Variants in RGS7 observed in about 807,000 individuals in gnomAD.
The protein encoded by RGS7 is regulator of G-protein signaling 7.
A neutral mutation model predicts 81.1 loss-of-function variants in RGS7; 27 were observed. That is an observed-to-expected ratio of 0.33 (90% CI 0.25 to 0.46). The LOEUF (loss-of-function observed/expected upper bound fraction) is 0.46, where lower values mean the gene tolerates loss of function less well. Ranked by LOEUF, RGS7 falls within the 20% of genes least tolerant of loss-of-function variation. The pLI, the probability that RGS7 is intolerant of heterozygous loss-of-function variation, is 1.00. For synonymous variants in RGS7, 208 were observed against 207.7 expected (o/e 1.00, Z -0.01); for missense variants, 396 against 607.4 (o/e 0.65, Z 3.66).
At chr1:240,961,405 C>CA (rs1222464902) in intron 4 of RGS7, among the ~76,000 whole-genome samples, 4 of 152,088 alleles carry the variant, frequency 2.6e-5, no homozygotes, top group African/African-American at 4.8e-5. Context: ...TCAATGTATC[C>CA]ACCTTATATA....
chr1:241,057,141 G>A (rs2061512945), intron 3 of RGS7, among the ~76,000 whole-genome samples: 1 of 151,786 alleles, frequency 6.6e-6, no homozygotes, highest in Non-Finnish European at 1.5e-5. Context: ...TAGCCAAATT[G>A]ATAATTTTAT....
chr1:240,820,141 G>C (rs1476606910), intron 10 of RGS7, among the ~76,000 whole-genome samples: 1 of 152,176 alleles, frequency 6.6e-6, no homozygotes, highest in Non-Finnish European at 1.5e-5. Flanking sequence ...GTACAGGGTG[G>C]GGTGGCATAG....
At chr1:241,238,109 A>C (rs1558223341) in intron 2 of RGS7, among the ~76,000 whole-genome samples, 1 of 152,308 alleles carries the variant, frequency 6.6e-6, no homozygotes, top group African/African-American at 2.4e-5. Context: ...CAGACACACC[A>C]GAGAAACAAC....
chr1:240,944,280 G>GTATATA (rs1678168411), intron 4 of RGS7, among the ~76,000 whole-genome samples: 5 of 21,182 alleles, frequency 2.4e-4, no homozygotes, highest in African/African-American at 6.3e-4. Context: ...GTGTGTGTGT[G>GTATATA]TGTATATATA....
chr1:240,993,236 G>A (rs1174529071), intron 3 of RGS7, among the ~76,000 whole-genome samples: 1 of 146,054 alleles, frequency 6.8e-6, no homozygotes. Context: ...GAAAGAAGGA[G>A]AAAGAAAGAG....
intron 2 of RGS7, among the ~76,000 whole-genome samples, chr1:241,168,640 G>C (rs12118629): frequency 0.25 from 38,560 of 151,950 alleles, 5,220 homozygotes; most frequent in East Asian, 0.36. Context: ...AGCCCCTATA[G>C]AGTTAATAAA....
chr1:241,240,515 T>C (rs760867863), intron 2 of RGS7, among the ~76,000 whole-genome samples: 4 of 152,174 alleles, frequency 2.6e-5, no homozygotes, highest in Non-Finnish European at 5.9e-5. Context: ...CCTGTTAGAT[T>C]AGATCAAACT....
intron 18 of RGS7, among the ~76,000 whole-genome samples, chr1:240,783,008 G>A (rs1381856526): frequency 6.6e-6 from 1 of 152,160 alleles, no homozygotes; most frequent in East Asian, 1.9e-4. Context: ...GTAATATCTG[G>A]TTAATGGAAA....
chr1:240,901,754 T>C (rs1461253449), intron 6 of RGS7, among the ~76,000 whole-genome samples: 2 of 152,198 alleles, frequency 1.3e-5, no homozygotes, highest in African/African-American at 4.8e-5. Context: ...CAAGTCATGT[T>C]CACTGTCACT....
At chr1:241,185,398 G>T (rs2072001644) in intron 2 of RGS7, among the ~76,000 whole-genome samples, 1 of 152,126 alleles carries the variant, frequency 6.6e-6, no homozygotes, top group African/African-American at 2.4e-5. Context: ...GATGACTGGA[G>T]ATTTCAATTT....
At chr1:240,892,012 C>T (rs563608585) in intron 6 of RGS7, among the ~76,000 whole-genome samples, 7 of 152,224 alleles carry the variant, frequency 4.6e-5, no homozygotes, top group African/African-American at 9.6e-5. Context: ...TCTGAGAGGA[C>T]GGGAGGATCT....
chr1:241,081,955 A>G (rs1489462033), intron 3 of RGS7, among the ~76,000 whole-genome samples: 4 of 152,208 alleles, frequency 2.6e-5, no homozygotes. Context: ...TGTTCCAGGT[A>G]AAGGATAGCA....
intron 3 of RGS7, among the ~76,000 whole-genome samples, chr1:241,053,406 T>A (rs1238067779): frequency 6.6e-6 from 1 of 152,218 alleles, no homozygotes; most frequent in East Asian, 1.9e-4. Flanking sequence ...AGTAGGAGAC[T>A]TTTCCTAGAG....
At chr1:241,261,067 TATA>T in intron 2 of RGS7, among the ~76,000 whole-genome samples, 1 of 151,256 alleles carries the variant, frequency 6.6e-6, no homozygotes, top group East Asian at 1.9e-4. Context: ...AAACTTAAAG[TATA>T]ATAATTAAAA....
At chr1:241,082,806 A>G (rs185104759) in intron 3 of RGS7, among the ~76,000 whole-genome samples, 5 of 152,384 alleles carry the variant, frequency 3.3e-5, no homozygotes, top group African/African-American at 1.2e-4. Context: ...CACTTTATAT[A>G]TGTATCAATA....
rs1034648554 is a variant in RGS7, at chr1:240,787,426, G to A, written c.*7-11213C>T. Among the ~76,000 whole-genome samples, 8 of 152,064 alleles carry A rather than the reference G, an allele frequency of 5.3e-5. No homozygotes were observed. In the South Asian group the frequency reaches 6.2e-4, roughly 12 times the overall value. ...AACTTGCTTTAAACAAAAGACCTTC[G>A]GCTACGTAAGGCACGCAGCAGGATT... On this transcript the variant is annotated intron_variant, in intron 18 of 18. Transcript: ENST00000440928.
At chr1:241,013,053 C>CT (rs146066815) in intron 3 of RGS7, among the ~76,000 whole-genome samples, 1,738 of 80,284 alleles carry the variant, frequency 0.022, 82 homozygotes, top group African/African-American at 0.071. Flanking sequence ...CTGACCCCTC[C>CT]TTTTTTTTTT....
At chr1:241,283,968 C>T (rs2078661267) in intron 2 of RGS7, among the ~76,000 whole-genome samples, 1 of 152,038 alleles carries the variant, frequency 6.6e-6, no homozygotes, top group South Asian at 2.1e-4. Flanking sequence ...ACATTTGGTT[C>T]TTTTTTGTAC....
At chr1:241,133,668 C>T (rs1197622047) in intron 2 of RGS7, among the ~76,000 whole-genome samples, 40 of 152,150 alleles carry the variant, frequency 2.6e-4, no homozygotes, top group Non-Finnish European at 4.4e-5. Flanking sequence ...CTTAGGGTTT[C>T]TACTGAAAGG....
Sources: gnomAD v4.1 joint callset for allele counts (sites outside exome capture counted in the v4.1 genomes callset) on GRCh38, gnomAD v4.1.1 for gene constraint, MANE v1.5 for transcripts, NCBI Gene and HGNC (gene_info 2026-07-23, HGNC 2026-07-21) for gene names.